The following VRTN variants were observed in gnomAD, a reference collection of about 807,000 sequenced individuals.
The protein encoded by VRTN is vertnin.
In VRTN, 5 loss-of-function variants were observed where a neutral mutation model predicts 18.2. The observed-to-expected ratio is 0.27, with a 90% CI of 0.14 to 0.58. The LOEUF is 0.58. Ranked by LOEUF, VRTN falls within the 20% of genes least tolerant of loss-of-function variation. The probability of loss-of-function intolerance (pLI) is 0.91; values close to 1 mark genes in which losing one functional copy is unlikely to be tolerated. For synonymous variants in VRTN, 381 were observed against 393.7 expected, an observed-to-expected ratio of 0.97 and a Z score of 0.38; for missense variants, 741 against 939.4, an observed-to-expected ratio of 0.79 and a Z score of 2.76.
At chr14:74,320,104 A>C (rs914936833) in intron 1 of VRTN, among the ~76,000 whole-genome samples, 2 of 152,120 alleles carry the variant, frequency 1.3e-5, no homozygotes, top group Non-Finnish European at 2.9e-5. Flanking sequence ...TTAGCTGGGC[A>C]TAGTGGCATG....
intron 2 of VRTN, among the ~76,000 whole-genome samples, chr14:74,338,989 A>T (rs1434884856): frequency 6.6e-6 from 1 of 151,956 alleles, no homozygotes; most frequent in African/African-American, 2.4e-5. Context: ...ACTCCCAAAG[A>T]GCTGGGATTA....
At chr14:74,350,702 A>G (rs1053532390) in intron 1 of VRTN, among the ~76,000 whole-genome samples, 1 of 152,190 alleles carries the variant, frequency 6.6e-6, no homozygotes, top group Non-Finnish European at 1.5e-5. Flanking sequence ...AAGCTACTTA[A>G]TGTAAACCCG....
intron 1 of VRTN, among the ~76,000 whole-genome samples, chr14:74,331,544 T>TTTTATATATATATA (rs1287566275): frequency 4.6e-5 from 2 of 43,450 alleles, no homozygotes; most frequent in African/African-American, 1.3e-4. Flanking sequence ...AAAAAAAATT[T>TTTTATATATATATA]TATATATATA....
At chr14:74,320,561 CTCTTTTTTTTTTTTTTTT>C (rs2085448875) in intron 1 of VRTN, among the ~76,000 whole-genome samples, 5 of 91,520 alleles carry the variant, frequency 5.5e-5, no homozygotes, top group African/African-American at 2.3e-4. Flanking sequence ...TGCGCCCGGC[CTCTTTTTTTTTTTTTTTT>C]TTTTTTTTTT....
At chr14:74,344,587 A>C (rs2085630575), upstream of VRTN, among the ~76,000 whole-genome samples, 1 of 151,232 alleles carries the variant, frequency 6.6e-6, no homozygotes, top group Non-Finnish European at 1.5e-5. Context: ...CAAAAAAATT[A>C]GCAGGGGCGT....
chr14:74,313,994 A>C (rs1245961826), intron 1 of VRTN, among the ~76,000 whole-genome samples: 1 of 152,204 alleles, frequency 6.6e-6, no homozygotes, highest in Non-Finnish European at 1.5e-5. Flanking sequence ...AGGACTCCCC[A>C]ACCATAGAGT....
intron 1 of VRTN, among the ~76,000 whole-genome samples, chr14:74,324,065 G>A (rs547467454): frequency 1.1e-4 from 17 of 152,136 alleles, no homozygotes; most frequent in South Asian, 1.0e-3. Context: ...CTTAACTGCC[G>A]TGAATGGCAC....
chr14:74,319,977 G>A lies in VRTN; in HGVS notation c.-164+16801G>A, dbSNP rs146421866. On this transcript the variant is annotated intron_variant, in intron 1 of 2. Transcript: ENST00000557177. ...CAAGAAGCAAGCCCTGGCTGGGCAC[G>A]GTGGCTCATGCCTGTAATCCCAGCA... 8.0e-3 allele frequency among the ~76,000 whole-genome samples: 1,216 copies of A among 152,230 alleles called. 15 individuals are homozygous for A. The highest frequency in any genetic ancestry group is 0.027 in the African/African-American group (1,141 of 41,554).
intron 1 of VRTN, among the ~76,000 whole-genome samples, chr14:74,349,448 C>G (rs2085669328): frequency 6.6e-6 from 1 of 152,214 alleles, no homozygotes; most frequent in South Asian, 2.1e-4. Context: ...ATCGAACCCA[C>G]AGCCTTACTG....
At position 74,332,335 on chromosome 14, in the gene VRTN, G is replaced by GTTTTT. The variant is rs67857502; in HGVS notation, c.-163-5351_-163-5347dup. On this transcript the variant is annotated intron_variant, in intron 1 of 2. Coordinates refer to the VRTN transcript ENST00000557177. ...CCTCCGGAGGATCGACTCCTAATCTGTTTTTTTTTTTTTTTTTTTTTTTTT... is the reference window on the plus strand; with the variant it reads ...CCTCCGGAGGATCGACTCCTAATCTGTTTTTTTTTTTTTTTTTTTTTTTTTTTTTT... Among the ~76,000 whole-genome samples the GTTTTT allele has an allele frequency of 8.6e-4, 34 of 39,588 alleles. 5 individuals are homozygous for GTTTTT. The highest frequency in any genetic ancestry group is 2.5e-3 in the East Asian group (3 of 1,208). 26.0% of individuals were successfully genotyped at this position (39,588 alleles called of 152,430 possible).
chr14:74,344,749 G>GAAAAAAAAAAAAAAAAAAAAAAAAAA (rs1323636061), upstream of VRTN, among the ~76,000 whole-genome samples: 2 of 31,452 alleles, frequency 6.4e-5, no homozygotes, highest in African/African-American at 1.8e-4. Context: ...AAAAAAAAAT[G>GAAAAAAAAAAAAAAAAAAAAAAAAAA]AAAAAAAGAA....
At chr14:74,333,332 G>A (rs947314925) in intron 1 of VRTN, among the ~76,000 whole-genome samples, 3 of 151,994 alleles carry the variant, frequency 2.0e-5, no homozygotes, top group Middle Eastern at 3.4e-3. Flanking sequence ...GCAGTGAGCC[G>A]AGATTACACC....
intron 1 of VRTN, chr14:74,306,074 T>A (rs2085346202): frequency 6.8e-6 from 1 of 148,010 alleles, no homozygotes; most frequent in African/African-American, 2.5e-5. Context: ...TTTTAAAATT[T>A]AAATTTAAAG....
At chr14:74,320,233 G>A (rs2085444348) in intron 1 of VRTN, among the ~76,000 whole-genome samples, 1 of 141,560 alleles carries the variant, frequency 7.1e-6, no homozygotes, top group Non-Finnish European at 1.5e-5. Context: ...CTGGGTGACA[G>A]AGCAAGATCC....
At chr14:74,307,014 TTTAATGTGCA>T (rs1200802604) in intron 1 of VRTN, among the ~76,000 whole-genome samples, 1 of 152,206 alleles carries the variant, frequency 6.6e-6, no homozygotes, top group Non-Finnish European at 1.5e-5. Context: ...GAATACTTGT[TTTAATGTGCA>T]TTATTTAAAA....
intron 1 of VRTN, among the ~76,000 whole-genome samples, chr14:74,307,453 G>C (rs2085361327): frequency 6.6e-6 from 1 of 151,954 alleles, no homozygotes; most frequent in African/African-American, 2.4e-5. Context: ...TTTTGATCAT[G>C]AGAGTTGGTG....
intron 1 of VRTN, among the ~76,000 whole-genome samples, chr14:74,323,612 CA>C (rs926100306): frequency 4.0e-5 from 6 of 150,772 alleles, no homozygotes; most frequent in African/African-American, 9.8e-5. Context: ...AACAAACAAA[CA>C]AAAAAAACCA....
chr14:74,310,397 CAAA>C (rs1204317705), intron 1 of VRTN, among the ~76,000 whole-genome samples: 3 of 59,410 alleles, frequency 5.0e-5, no homozygotes, highest in Non-Finnish European at 3.6e-5. Context: ...AACTCTGTCT[CAAA>C]AAAAAAAAAA....
At chr14:74,312,536 G>A (rs565694328) in intron 1 of VRTN, among the ~76,000 whole-genome samples, 4 of 151,588 alleles carry the variant, frequency 2.6e-5, no homozygotes, top group Admixed American at 6.6e-5. Context: ...CTGCAGCCTC[G>A]ACCTCCCAGG....
Sources: gnomAD v4.1 joint callset for allele counts (sites outside exome capture counted in the v4.1 genomes callset) on GRCh38, gnomAD v4.1.1 for gene constraint, MANE v1.5 for transcripts, NCBI Gene and HGNC (gene_info 2026-07-23, HGNC 2026-07-21) for gene names.